LUZP2: variants seen among roughly 807,000 people sequenced by gnomAD.
LUZP2 encodes leucine zipper protein 2.
In LUZP2, 52 loss-of-function variants were observed where a neutral mutation model predicts 51.6. That is an observed-to-expected ratio of 1.01 (90% CI 0.81 to 1.27). The LOEUF (loss-of-function observed/expected upper bound fraction) is 1.27. Ranked by LOEUF, LUZP2 falls within the 50% of genes most tolerant of loss-of-function variation. The probability of loss-of-function intolerance (pLI) is 0.00; values close to 1 mark genes in which losing one functional copy is unlikely to be tolerated. For synonymous variants in LUZP2, 154 were observed against 137.3 expected, an observed-to-expected ratio of 1.12 and a Z score of -0.85; for missense variants, 436 against 395.4, an observed-to-expected ratio of 1.10 and a Z score of -0.87.
rs1852675173 is a variant in LUZP2 at position 24,577,022 on chromosome 11, T to C, written c.62+79717T>C. Among the ~76,000 whole-genome samples the C allele has an allele frequency of 2.0e-5, 3 of 152,102 alleles. No individual in the cohort carries two copies. The South Asian group carries it at 6.2e-4, about 32-fold the overall frequency. ...AAGCAATGAATAGATGCTTTATCTTTTCACAGAACATTTAAGCATCCATGC... is the reference window on the plus strand; with the variant it reads ...AAGCAATGAATAGATGCTTTATCTTCTCACAGAACATTTAAGCATCCATGC... On this transcript the variant is annotated intron_variant, in intron 1 of 11. Transcript: ENST00000336930.
chr11:25,074,426 G>T (rs1859241932), intron 10 of LUZP2, among the ~76,000 whole-genome samples: 1 of 152,106 alleles, frequency 6.6e-6, no homozygotes, highest in South Asian at 2.1e-4. Context: ...AAAAGTATCA[G>T]AAAAAGCTAC....
intron 4 of LUZP2, among the ~76,000 whole-genome samples, chr11:24,752,848 T>A (rs1252460234): frequency 6.6e-6 from 1 of 152,100 alleles, no homozygotes; most frequent in Non-Finnish European, 1.5e-5. Flanking sequence ...TTAAATTTAA[T>A]AATTTAATTT....
chr11:24,902,418 C>A (rs1020721653), intron 5 of LUZP2, among the ~76,000 whole-genome samples: 3 of 152,106 alleles, frequency 2.0e-5, no homozygotes, highest in Non-Finnish European at 2.9e-5. Context: ...GAAAATAAAT[C>A]TTTTTCAACA....
chr11:24,860,105 T>C (rs1851693375), intron 5 of LUZP2, among the ~76,000 whole-genome samples: 1 of 152,190 alleles, frequency 6.6e-6, no homozygotes, highest in South Asian at 2.1e-4. Context: ...TTTCCCCTGC[T>C]GGAGCCAGGG....
rs138976467 is a variant in LUZP2, at chr11:24,649,976, GACAC to G, written c.63-79165_63-79162del. On this transcript the variant is annotated intron_variant, in intron 1 of 11. Transcript: ENST00000336930. Reference sequence around the variant, plus strand: ...ACACAGACACACACATACACACAGAGACACACACACACACACACACACACACACA... The same window carrying G: ...ACACAGACACACACATACACACAGAGACACACACACACACACACACACACA... Among the ~76,000 whole-genome samples, 608 of 146,958 alleles carry G rather than the reference GACAC, an allele frequency of 4.1e-3. 4 individuals carry two copies. Among genetic ancestry groups the G allele is most frequent in the African/African-American group, 0.012 (467 of 40,552 alleles).
intron 7 of LUZP2, among the ~76,000 whole-genome samples, chr11:24,932,151 T>C (rs1284653291): frequency 1.3e-5 from 2 of 152,182 alleles, no homozygotes; most frequent in Admixed American, 6.5e-5. Flanking sequence ...CCTTCTCCAA[T>C]GGAGGTAGCA....
At chr11:24,849,339 C>A (rs116444318) in intron 5 of LUZP2, among the ~76,000 whole-genome samples, 3 of 151,820 alleles carry the variant, frequency 2.0e-5, no homozygotes, top group African/African-American at 7.3e-5. Flanking sequence ...GTCCACGTAT[C>A]CTCATTGTTC....
intron 5 of LUZP2, among the ~76,000 whole-genome samples, chr11:24,838,968 CACTA>C (rs1268599933): frequency 6.6e-6 from 1 of 151,614 alleles, no homozygotes; most frequent in Non-Finnish European, 1.5e-5. Flanking sequence ...CCGTTGCTGG[CACTA>C]ACTGTTAGCA....
intron 7 of LUZP2, among the ~76,000 whole-genome samples, chr11:24,971,561 A>G (rs916466335): frequency 6.6e-5 from 10 of 152,274 alleles, no homozygotes; most frequent in Admixed American, 5.9e-4. Flanking sequence ...GATGGGATCT[A>G]TATTGCAAAC....
chr11:24,665,071 G>C (rs560569952), intron 1 of LUZP2, among the ~76,000 whole-genome samples: 3 of 152,326 alleles, frequency 2.0e-5, no homozygotes, highest in African/African-American at 7.2e-5. Context: ...GTAGCCAGGA[G>C]CATGGCTGTA....
intron 9 of LUZP2, among the ~76,000 whole-genome samples, chr11:24,996,655 C>G (rs550054650): frequency 7.0e-6 from 1 of 142,380 alleles, no homozygotes; most frequent in Non-Finnish European, 1.5e-5. Flanking sequence ...TTTTAGGGTG[C>G]ATGTGCACAA....
At position 24,694,834 on chromosome 11, in the gene LUZP2, C is replaced by T. The variant is rs754733576; in HGVS notation, c.63-34335C>T. ...ACTAACACAGAAACAGAAAACTAAA[C>T]GCCGCATGTTCTCACTCATCATGGG... is the stretch of plus-strand genomic sequence containing the variant. On this transcript the variant is annotated intron_variant, in intron 1 of 11. Coordinates refer to ENST00000336930, the MANE Select transcript of LUZP2 (RefSeq NM_001009909.4). Among the ~76,000 whole-genome samples the T allele has an allele frequency of 6.6e-5, 10 of 151,844 alleles. No homozygotes were observed. In the South Asian group the frequency reaches 8.3e-4, roughly 13 times the overall value.
intron 5 of LUZP2, among the ~76,000 whole-genome samples, chr11:24,905,220 A>T (rs1490522569): frequency 6.6e-6 from 1 of 152,130 alleles, no homozygotes; most frequent in East Asian, 1.9e-4. Flanking sequence ...CAAACAAAAA[A>T]TGAACAAAGA....
chr11:24,512,877 G>A (rs944737159), intron 1 of LUZP2, among the ~76,000 whole-genome samples: 4 of 151,872 alleles, frequency 2.6e-5, no homozygotes, highest in Non-Finnish European at 5.9e-5. Flanking sequence ...AGCCCCCCGA[G>A]TAGCTGGGAC....
intron 9 of LUZP2, 53 bp downstream of exon 9, chr11:24,983,346 T>C: frequency 1.3e-6 from 2 of 1,543,536 alleles, no homozygotes; most frequent in South Asian, 1.2e-5. Context: ...ATGTGTTGTC[T>C]TTAAAGCCCA....
chr11:24,588,878 C>T (rs1342536381), intron 1 of LUZP2, among the ~76,000 whole-genome samples: 1 of 152,106 alleles, frequency 6.6e-6, no homozygotes, highest in African/African-American at 2.4e-5. Flanking sequence ...ATCCTCACTT[C>T]ATATTCCATG....
At chr11:24,729,144 C>G (rs1234716484) in intron 1 of LUZP2, 25 bp from the exon 2 acceptor site, 3 of 1,334,064 alleles carry the variant, frequency 2.2e-6, no homozygotes, top group African/African-American at 3.0e-5. Flanking sequence ...TTGGGGGGCT[C>G]TCATGCCTGT....
intron 5 of LUZP2, among the ~76,000 whole-genome samples, chr11:24,897,731 G>A (rs973039140): frequency 4.6e-5 from 7 of 152,086 alleles, no homozygotes; most frequent in African/African-American, 9.7e-5. Context: ...CACCAATTTC[G>A]GACACAATAT....
At chr11:24,511,799 T>A (rs1373372572) in intron 1 of LUZP2, among the ~76,000 whole-genome samples, 1 of 152,200 alleles carries the variant, frequency 6.6e-6, no homozygotes, top group Non-Finnish European at 1.5e-5. Context: ...CTTTTTCCGA[T>A]GAGTGGAAAG....
Sources: gnomAD v4.1 joint callset for allele counts (sites outside exome capture counted in the v4.1 genomes callset) on GRCh38, gnomAD v4.1.1 for gene constraint, MANE v1.5 for transcripts, NCBI Gene and HGNC (gene_info 2026-07-23, HGNC 2026-07-21) for gene names.